The following AFAP1 variants were observed in gnomAD, a reference collection of about 807,000 sequenced individuals.
AFAP1 encodes actin filament-associated protein 1.
A neutral mutation model predicts 93.9 loss-of-function variants in AFAP1; 75 were observed. The ratio of observed to expected loss-of-function variants is 0.80; its 90% CI spans 0.66 to 0.97. The LOEUF (loss-of-function observed/expected upper bound fraction) is 0.97. Among genes scored for constraint, AFAP1 ranks in the 50% least tolerant of loss-of-function variants. The probability of loss-of-function intolerance (pLI) is 0.00; values close to 1 mark genes in which losing one functional copy is unlikely to be tolerated. For synonymous variants in AFAP1, 517 were observed against 430.7 expected (o/e 1.20, Z -2.48); for missense variants, 1,201 against 1,050.8 (o/e 1.14, Z -1.98).
intron 1 of AFAP1, among the ~76,000 whole-genome samples, chr4:7,937,937 C>G (rs747622437): frequency 2.6e-5 from 4 of 152,162 alleles, no homozygotes; most frequent in Non-Finnish European, 4.4e-5. Flanking sequence ...GAAAAAGGAG[C>G]TCGCATTTAC....
intron 1 of AFAP1, among the ~76,000 whole-genome samples, chr4:7,935,610 G>T (rs1721328035): frequency 2.0e-5 from 3 of 152,148 alleles, no homozygotes; most frequent in African/African-American, 7.2e-5. Context: ...TAATACTAAA[G>T]GGAACAAGAT....
intron 17 of AFAP1, among the ~76,000 whole-genome samples, chr4:7,766,622 CTG>C (rs1447925412): frequency 3.0e-5 from 4 of 134,680 alleles, no homozygotes; most frequent in Admixed American, 1.4e-4. Context: ...CTCCAGGTGA[CTG>C]TGTCACGAGA....
intron 8 of AFAP1, among the ~76,000 whole-genome samples, chr4:7,815,637 CA>C (rs1720405105): frequency 6.6e-6 from 1 of 152,104 alleles, no homozygotes; most frequent in Non-Finnish European, 1.5e-5. Flanking sequence ...CCTCATTATC[CA>C]AAGTGCTTTT....
At chr4:7,881,760 G>A (rs1042534662) in intron 1 of AFAP1, among the ~76,000 whole-genome samples, 43 of 148,824 alleles carry the variant, frequency 2.9e-4, no homozygotes, top group Non-Finnish European at 5.5e-4. Context: ...CAGCCTGGGC[G>A]ACAGAGTGAG....
At chr4:7,874,862 T>C (rs1204814463) in intron 1 of AFAP1, among the ~76,000 whole-genome samples, 1 of 152,146 alleles carries the variant, frequency 6.6e-6, no homozygotes, top group East Asian at 1.9e-4. Context: ...ATATATATTA[T>C]TTATGTTAAC....
At chr4:7,910,554 AG>A (rs1719668301) in intron 1 of AFAP1, among the ~76,000 whole-genome samples, 1 of 152,244 alleles carries the variant, frequency 6.6e-6, no homozygotes, top group Non-Finnish European at 1.5e-5. Context: ...CAGCCTACCA[AG>A]TCAAGTGGGG....
intron 1 of AFAP1, among the ~76,000 whole-genome samples, chr4:7,901,064 C>T (rs915477254): frequency 1.3e-5 from 2 of 152,222 alleles, no homozygotes; most frequent in African/African-American, 4.8e-5. Flanking sequence ...TATGAAAGCA[C>T]TTTCTATGTA....
chr4:7,898,236 C>T (rs1028012241), intron 1 of AFAP1, among the ~76,000 whole-genome samples: 3 of 152,016 alleles, frequency 2.0e-5, no homozygotes, highest in Non-Finnish European at 4.4e-5. Flanking sequence ...ATGGTGAAAC[C>T]CCTCTAATAA....
intron 7 of AFAP1, among the ~76,000 whole-genome samples, chr4:7,817,535 G>A (rs1210642507): frequency 5.9e-5 from 9 of 152,174 alleles, no homozygotes; most frequent in African/African-American, 1.9e-4. Context: ...AGGCTGCAGT[G>A]AGCCAAGATG....
chr4:7,845,099 G>C (rs552125428), intron 4 of AFAP1, among the ~76,000 whole-genome samples: 1 of 152,038 alleles, frequency 6.6e-6, no homozygotes, highest in African/African-American at 2.4e-5. Context: ...GAAAGATTTA[G>C]AGTTTAAGTT....
chr4:7,925,845 C>CA (rs369449408), intron 1 of AFAP1, among the ~76,000 whole-genome samples: 403 of 144,552 alleles, frequency 2.8e-3, no homozygotes, highest in African/African-American at 5.2e-3. Context: ...AACTCTGTCT[C>CA]AAAAAAAAAA....
intron 1 of AFAP1, among the ~76,000 whole-genome samples, chr4:7,923,727 A>G (rs1414679445): frequency 6.6e-6 from 1 of 152,136 alleles, no homozygotes; most frequent in African/African-American, 2.4e-5. Context: ...GGCCTCCCAA[A>G]GTGCTGGGAT....
At chr4:7,787,769 G>A (rs1577207400) in intron 11 of AFAP1, among the ~76,000 whole-genome samples, 1 of 152,194 alleles carries the variant, frequency 6.6e-6, no homozygotes, top group African/African-American at 2.4e-5. Flanking sequence ...GAAGTCGCAA[G>A]GTGCTGCCCA....
intron 1 of AFAP1, among the ~76,000 whole-genome samples, chr4:7,908,679 AAG>A (rs1719560559): frequency 6.6e-6 from 1 of 152,228 alleles, no homozygotes; most frequent in Non-Finnish European, 1.5e-5. Flanking sequence ...TCCTTGTTCA[AAG>A]AGAAATTCTA....
intron 6 of AFAP1, among the ~76,000 whole-genome samples, chr4:7,828,059 G>A (rs761701793): frequency 1.3e-5 from 2 of 152,216 alleles, no homozygotes; most frequent in African/African-American, 4.8e-5. Context: ...TATTAAAGAC[G>A]TGGCTTCAAA....
intron 3 of AFAP1, among the ~76,000 whole-genome samples, chr4:7,861,543 T>A (rs1426237373): frequency 6.6e-6 from 1 of 152,234 alleles, no homozygotes; most frequent in African/African-American, 2.4e-5. Flanking sequence ...GGGAAGATTG[T>A]CTCACATATT....
intron 6 of AFAP1, among the ~76,000 whole-genome samples, chr4:7,836,668 C>T (rs1160669943): frequency 3.3e-5 from 5 of 152,162 alleles, no homozygotes. Context: ...AGGCTGGTCT[C>T]AATCTCCCAG....
At chr4:7,842,892 A>C in intron 5 of AFAP1, 1 of 496,428 alleles carries the variant, frequency 2.0e-6, no homozygotes. Context: ...GGGAATGGGA[A>C]TGATTTTGTT....
chr4:7,842,956 C>T (rs904832984), intron 5 of AFAP1, 183 bp downstream of exon 5: 13 of 616,566 alleles, frequency 2.1e-5, no homozygotes, highest in Non-Finnish European at 3.4e-5. Flanking sequence ...ACAACACGGG[C>T]GAGTGCTCCC....
Sources: allele counts gnomAD v4.1 joint callset (sites outside exome capture counted in the v4.1 genomes callset), GRCh38; gene constraint gnomAD v4.1.1; transcripts MANE v1.5; gene names NCBI Gene and HGNC (gene_info 2026-07-23, HGNC 2026-07-21).